Variants in ZNF407 observed in about 807,000 individuals in gnomAD.
ZNF407 encodes zinc finger protein 407.
In ZNF407, 17 loss-of-function variants were observed where a neutral mutation model predicts 131.2. The observed-to-expected ratio is 0.13, with a 90% confidence interval of 0.09 to 0.19. ZNF407 has a LOEUF of 0.19. ZNF407 is among the 10% of genes least tolerant of loss of function. The pLI is 1.00. For synonymous variants in ZNF407, 1,156 were observed against 1,062.0 expected, an observed-to-expected ratio of 1.09 and a Z score of -1.72; for missense variants, 2,681 against 2,830.6, an observed-to-expected ratio of 0.95 and a Z score of 1.20.
At chr18:74,603,693 T>G (rs1982679592) in intron 1 of ZNF407, among the ~76,000 whole-genome samples, 1 of 152,206 alleles carries the variant, frequency 6.6e-6, no homozygotes, top group East Asian at 1.9e-4. Context: ...TAAGCATTTT[T>G]GTTTTTTTGG....
At chr18:74,791,960 G>C (rs1969833623) in intron 4 of ZNF407, among the ~76,000 whole-genome samples, 4 of 152,164 alleles carry the variant, frequency 2.6e-5, no homozygotes, top group Admixed American at 2.6e-4. Flanking sequence ...CACAGTCCCA[G>C]TAGTATTGCA....
intron 8 of ZNF407, chr18:74,921,008 T>G (rs1240023761): frequency 1.2e-5 from 12 of 1,042,678 alleles, no homozygotes; most frequent in Non-Finnish European, 1.3e-5. Context: ...ATATGTTGAC[T>G]AATTGCTAAA....
chr18:74,801,640 C>T (rs1034478457), intron 4 of ZNF407, among the ~76,000 whole-genome samples: 3 of 152,224 alleles, frequency 2.0e-5, no homozygotes, highest in Non-Finnish European at 2.9e-5. Context: ...CAGAATTTCA[C>T]ACCCGCAGAT....
intron 7 of ZNF407, among the ~76,000 whole-genome samples, chr18:74,892,901 A>G (rs542876066): frequency 4.6e-5 from 7 of 152,108 alleles, no homozygotes. Context: ...TTAAAATGGC[A>G]TTTCTAGAAG....
chr18:74,834,465 T>C (rs1227414317), intron 4 of ZNF407, among the ~76,000 whole-genome samples: 1 of 152,188 alleles, frequency 6.6e-6, no homozygotes, highest in African/African-American at 2.4e-5. Flanking sequence ...TCTTTGAGAG[T>C]CTCTGTCAGA....
In ZNF407 at chr18:74,634,751, C is replaced by G. The variant is rs765531317; in HGVS notation, c.3732C>G (p.Val1244=). ...ACGCAGGAGACGGTGGAGGTGTTGT[C>G]CCCCACAGACACCTGTGCCCTGTGA... The part of the protein sequence containing the change: ...GGNAGDGGGV[V]PHRHLCPVTL... Residue 1244 remains valine (V), a synonymous_variant, in exon 2 of 9, where the codon GTC becomes GTG. Transcript: ENST00000299687. The G allele has an allele frequency of 5.0e-6, 8 of 1,613,866 alleles. No individual in the cohort carries two copies. The highest frequency in any genetic ancestry group is 1.7e-5 in the Admixed American group (1 of 60,002).
chr18:74,663,544 C>T (rs897064407), intron 3 of ZNF407, among the ~76,000 whole-genome samples: 3 of 152,144 alleles, frequency 2.0e-5, no homozygotes, highest in Admixed American at 2.0e-4. Flanking sequence ...GGTCCCGGCT[C>T]GACACCACAT....
intron 4 of ZNF407, among the ~76,000 whole-genome samples, chr18:74,789,229 C>T (rs8093879): frequency 0.14 from 20,755 of 151,992 alleles, 2,545 homozygotes; most frequent in African/African-American, 0.33. Context: ...AAGTCCCTCT[C>T]GAAGGGCCTT....
intron 3 of ZNF407, among the ~76,000 whole-genome samples, chr18:74,746,921 A>G (rs1401085318): frequency 6.6e-6 from 1 of 152,144 alleles, no homozygotes; most frequent in Admixed American, 6.6e-5. Context: ...ATTAGTTATG[A>G]TATACCTTTA....
chr18:75,030,525 A>G (rs923248055), intron 8 of ZNF407, among the ~76,000 whole-genome samples: 12 of 152,246 alleles, frequency 7.9e-5, no homozygotes, highest in Admixed American at 2.0e-4. Context: ...CTGATAAAGT[A>G]TTGAAAAAGA....
intron 4 of ZNF407, among the ~76,000 whole-genome samples, chr18:74,799,887 T>A (rs936045208): frequency 6.7e-6 from 1 of 149,252 alleles, no homozygotes; most frequent in African/African-American, 2.5e-5. Flanking sequence ...GTATTGCCGT[T>A]GTTGAAAAAA....
intron 8 of ZNF407, among the ~76,000 whole-genome samples, chr18:74,964,534 A>G (rs1037100075): frequency 2.0e-5 from 3 of 150,384 alleles, no homozygotes; most frequent in African/African-American, 7.3e-5. Flanking sequence ...AGAAAGTACT[A>G]CAAATGAATC....
At chr18:74,892,696 G>A (rs1971402107) in intron 7 of ZNF407, among the ~76,000 whole-genome samples, 1 of 152,126 alleles carries the variant, frequency 6.6e-6, no homozygotes, top group Non-Finnish European at 1.5e-5. Flanking sequence ...TCAATTTTTG[G>A]ATAATTGCTG....
At chr18:74,999,607 A>C (rs972064086) in intron 8 of ZNF407, among the ~76,000 whole-genome samples, 7 of 152,358 alleles carry the variant, frequency 4.6e-5, no homozygotes, top group African/African-American at 1.7e-4. Context: ...GAATCATTGT[A>C]TTGAAGAATA....
chr18:74,769,194 G>A (rs1385400581), intron 3 of ZNF407, among the ~76,000 whole-genome samples: 1 of 152,174 alleles, frequency 6.6e-6, no homozygotes, highest in Non-Finnish European at 1.5e-5. Flanking sequence ...TTGACATCAG[G>A]CTTTGCCCTG....
At position 74,634,850 on chromosome 18, in the gene ZNF407, G is replaced by A; in HGVS notation, c.3831G>A (p.Leu1277=). 1 of 1,613,774 alleles carries A rather than the reference G, an allele frequency of 6.2e-7. No individual in the cohort carries two copies. Among genetic ancestry groups the A allele is most frequent in the South Asian group, 1.1e-5 (1 of 91,038 alleles). ...VTRITREQGN[L]ESGGQNRVAR... ...GAATAACCAGAGAACAGGGAAATCT[G>A]GAGAGCGGGGGTCAGAACAGAGTTG... Residue 1277 remains leucine, a synonymous_variant, in exon 2 of 9, where the codon CTG becomes CTA. Transcript: ENST00000299687.
At chr18:74,839,699 G>A (rs1246775117) in intron 4 of ZNF407, among the ~76,000 whole-genome samples, 6 of 152,152 alleles carry the variant, frequency 3.9e-5, no homozygotes, top group Non-Finnish European at 8.8e-5. Flanking sequence ...TTGCTAAGCA[G>A]TGTGGATACC....
At chr18:75,031,387 T>TA (rs1243067272) in intron 8 of ZNF407, among the ~76,000 whole-genome samples, 1 of 152,236 alleles carries the variant, frequency 6.6e-6, no homozygotes, top group Non-Finnish European at 1.5e-5. Flanking sequence ...TAGTTTTCCT[T>TA]ACCTTTTACC....
At chr18:74,732,581 G>A (rs1226491286) in intron 3 of ZNF407, among the ~76,000 whole-genome samples, 3 of 152,158 alleles carry the variant, frequency 2.0e-5, no homozygotes, top group Non-Finnish European at 2.9e-5. Context: ...CCTTAGATAA[G>A]CCCTGCTTCA....
Sources: allele counts gnomAD v4.1 joint callset (sites outside exome capture counted in the v4.1 genomes callset), GRCh38; gene constraint gnomAD v4.1.1; transcripts MANE v1.5; gene names NCBI Gene and HGNC (gene_info 2026-07-23, HGNC 2026-07-21).